Variants in PRTFDC1 observed in about 807,000 individuals in gnomAD.
PRTFDC1 encodes phosphoribosyltransferase domain-containing protein 1.
In PRTFDC1, 38 loss-of-function variants were observed where a neutral mutation model predicts 34.6. The observed-to-expected ratio is 1.10, with a 90% confidence interval of 0.85 to 1.44. PRTFDC1 has a LOEUF of 1.44. Ranked by LOEUF, PRTFDC1 falls within the 40% of genes most tolerant of loss-of-function variation. The pLI is 0.00. For synonymous variants in PRTFDC1, 93 were observed against 98.1 expected, an observed-to-expected ratio of 0.95 and a Z score of 0.31; for missense variants, 270 against 283.0, an observed-to-expected ratio of 0.95 and a Z score of 0.33.
chr10:24,883,972 C>A (rs950079134), intron 3 of PRTFDC1, among the ~76,000 whole-genome samples: 14 of 151,762 alleles, frequency 9.2e-5, no homozygotes, highest in Non-Finnish European at 1.9e-4. Flanking sequence ...TACAGTCATG[C>A]ACCATCATGC....
At chr10:24,866,805 A>AGAGG (rs1847787261) in intron 4 of PRTFDC1, among the ~76,000 whole-genome samples, 2 of 151,916 alleles carry the variant, frequency 1.3e-5, no homozygotes, top group African/African-American at 4.8e-5. Context: ...AGAGAGAGAG[A>AGAGG]GAGAGAAAAG....
intron 4 of PRTFDC1, chr10:24,867,920 C>T (rs942297811): frequency 6.6e-6 from 1 of 151,570 alleles, no homozygotes; most frequent in African/African-American, 2.4e-5. Flanking sequence ...TCTCTTGCCT[C>T]AGCTTGGATT....
At chr10:24,866,594 TG>T (rs1847782574) in intron 4 of PRTFDC1, among the ~76,000 whole-genome samples, 1 of 151,966 alleles carries the variant, frequency 6.6e-6, no homozygotes, top group Non-Finnish European at 1.5e-5. Context: ...AAATCAACTT[TG>T]GAAAAAAAAT....
intron 3 of PRTFDC1, among the ~76,000 whole-genome samples, chr10:24,888,811 T>C (rs1848213244): frequency 6.6e-6 from 1 of 152,134 alleles, no homozygotes; most frequent in South Asian, 2.1e-4. Flanking sequence ...TGGTGGTATC[T>C]CTACATAACT....
intron 3 of PRTFDC1, among the ~76,000 whole-genome samples, chr10:24,880,459 T>G (rs1353429157): frequency 6.6e-6 from 1 of 152,188 alleles, no homozygotes; most frequent in African/African-American, 2.4e-5. Flanking sequence ...GGTTTCACCA[T>G]GTCTTTAGTC....
At chr10:24,896,232 C>CG (rs1222283536) in intron 3 of PRTFDC1, among the ~76,000 whole-genome samples, 1 of 152,120 alleles carries the variant, frequency 6.6e-6, no homozygotes, top group Non-Finnish European at 1.5e-5. Flanking sequence ...GTCAGATCAG[C>CG]GGGGGCATGA....
intron 3 of PRTFDC1, chr10:24,908,223 T>TGTTGCGTTGC: frequency 2.9e-6 from 1 of 346,962 alleles, no homozygotes; most frequent in South Asian, 4.9e-5. Context: ...GATACATTTT[T>TGTTGCGTTGC]GTTGCGTTGC....
chr10:24,908,553 T>TGA (rs1165263199), intron 3 of PRTFDC1: 1 of 1,612,828 alleles, frequency 6.2e-7, no homozygotes, highest in Admixed American at 1.7e-5. Flanking sequence ...AAACAGGGAA[T>TGA]GAGCACTTGG....
rs191434979 is a variant in PRTFDC1 at position 24,860,289 on chromosome 10, G to T, written c.406-1880C>A. On this transcript the variant is annotated intron_variant, in intron 4 of 8. Coordinates refer to ENST00000320152, the MANE Select transcript of PRTFDC1 (RefSeq NM_020200.7). Reference sequence around the variant, plus strand: ...CCAGCTACTCAGGAGGCTGAGGCGGGAGAATCACTTGAAACCGGGAGGCGG... The same window carrying T: ...CCAGCTACTCAGGAGGCTGAGGCGGTAGAATCACTTGAAACCGGGAGGCGG... Among the ~76,000 whole-genome samples, 453 of 152,258 alleles carry T rather than the reference G, an allele frequency of 3.0e-3. 5 individuals are homozygous for T. Among genetic ancestry groups the T allele is most frequent in the African/African-American group, 0.01 (436 of 41,542 alleles).
intron 5 of PRTFDC1, among the ~76,000 whole-genome samples, chr10:24,857,503 G>A (rs574734633): frequency 1.3e-5 from 2 of 152,288 alleles, no homozygotes; most frequent in South Asian, 2.1e-4. Flanking sequence ...GAGGGTCCAC[G>A]GCTGCAGTGA....
At chr10:24,895,629 C>G (rs1012383460) in intron 3 of PRTFDC1, among the ~76,000 whole-genome samples, 2 of 142,946 alleles carry the variant, frequency 1.4e-5, no homozygotes, top group Non-Finnish European at 3.0e-5. Context: ...GGAAAAGGAA[C>G]AGCACTGGAA....
chr10:24,893,746 T>C (rs1300614525), intron 3 of PRTFDC1, among the ~76,000 whole-genome samples: 1 of 144,988 alleles, frequency 6.9e-6, no homozygotes, highest in Non-Finnish European at 1.5e-5. Context: ...AAATGGAATC[T>C]TAATTAAATC....
intron 3 of PRTFDC1, among the ~76,000 whole-genome samples, chr10:24,903,145 C>T (rs184216991): frequency 6.6e-6 from 1 of 152,252 alleles, no homozygotes; most frequent in Admixed American, 6.5e-5. Context: ...TTGCAGTGAG[C>T]TGAGATCGTG....
intron 2 of PRTFDC1, among the ~76,000 whole-genome samples, chr10:24,942,124 A>G (rs1564320452): frequency 2.0e-5 from 3 of 152,178 alleles, no homozygotes; most frequent in African/African-American, 7.2e-5. Context: ...TTACCATATT[A>G]CCATACCGCC....
intron 4 of PRTFDC1, among the ~76,000 whole-genome samples, chr10:24,863,441 T>C (rs1847718057): frequency 6.6e-6 from 1 of 152,216 alleles, no homozygotes. Context: ...AATATTATGC[T>C]CATTAACAAT....
At chr10:24,864,601 T>C (rs1352503729) in intron 4 of PRTFDC1, among the ~76,000 whole-genome samples, 1 of 152,172 alleles carries the variant, frequency 6.6e-6, no homozygotes, top group Non-Finnish European at 1.5e-5. Context: ...TTTCATTAAG[T>C]TATGTGCCTT....
intron 3 of PRTFDC1, among the ~76,000 whole-genome samples, chr10:24,918,276 C>T (rs1387170989): frequency 1.3e-5 from 2 of 152,136 alleles, no homozygotes; most frequent in African/African-American, 4.8e-5. Context: ...GTTCTCTGGA[C>T]CTGCTGTCTT....
At chr10:24,934,793 G>A (rs927272048) in intron 3 of PRTFDC1, among the ~76,000 whole-genome samples, 3 of 152,150 alleles carry the variant, frequency 2.0e-5, no homozygotes, top group African/African-American at 7.2e-5. Context: ...CACCTTGGAC[G>A]CATGTTCTCA....
At position 24,849,694 on chromosome 10, in the gene PRTFDC1, T is replaced by G. The variant is rs201145894; in HGVS notation, c.*150A>C. 4 of 665,468 alleles carry G rather than the reference T, an allele frequency of 6.0e-6. No individual in the cohort carries two copies. The East Asian group carries it at 1.1e-4, about 18-fold the overall frequency. 41.2% of individuals were successfully genotyped at this position (665,468 alleles called of 1,614,324 possible). On this transcript the variant is annotated 3_prime_UTR_variant, in exon 9 of 9. Coordinates refer to ENST00000320152, the MANE Select transcript of PRTFDC1 (RefSeq NM_020200.7). ...ACCTTTGATACTCTTTATATTAACC[T>G]CAGAAAAGAAAGCTCTCTCATTTGA...
Sources: allele counts gnomAD v4.1 joint callset (sites outside exome capture counted in the v4.1 genomes callset), GRCh38; gene constraint gnomAD v4.1.1; transcripts MANE v1.5; gene names NCBI Gene and HGNC (gene_info 2026-07-23, HGNC 2026-07-21).